Variants in PCDH7 observed in about 807,000 individuals in gnomAD.
The protein encoded by PCDH7 is protocadherin-7.
Under a neutral mutation model 58.9 loss-of-function variants are expected in PCDH7, and 17 were observed. The observed-to-expected ratio is 0.29, with a 90% CI of 0.20 to 0.43. PCDH7 has a LOEUF of 0.43. Among genes scored for constraint, PCDH7 ranks in the 20% least tolerant of loss-of-function variants. PCDH7 has a pLI of 1.00. For missense variants in PCDH7, 1,274 were observed against 1,441.0 expected (o/e 0.88, Z 1.88); for synonymous variants, 664 against 616.4 (o/e 1.08, Z -1.14).
chr4:31,005,532 G>A (rs967153701), intron 3 of PCDH7, among the ~76,000 whole-genome samples: 3 of 152,212 alleles, frequency 2.0e-5, no homozygotes, highest in African/African-American at 7.2e-5. Flanking sequence ...GGGAAGTAAT[G>A]ATTTGCCAAT....
intron 3 of PCDH7, among the ~76,000 whole-genome samples, chr4:31,122,519 C>T (rs930861138): frequency 1.3e-5 from 2 of 152,056 alleles, no homozygotes; most frequent in African/African-American, 2.4e-5. Context: ...TCTAACTTTT[C>T]CCCCTCTTTT....
At chr4:31,050,138 C>T (rs981305659) in intron 3 of PCDH7, among the ~76,000 whole-genome samples, 1 of 152,098 alleles carries the variant, frequency 6.6e-6, no homozygotes, top group Non-Finnish European at 1.5e-5. Context: ...TCAGTCTATA[C>T]TTTGGCTTCA....
chr4:30,747,643 A>C (rs1441842430), intron 1 of PCDH7, among the ~76,000 whole-genome samples: 1 of 152,246 alleles, frequency 6.6e-6, no homozygotes, highest in Non-Finnish European at 1.5e-5. Context: ...CACTGTGGTT[A>C]CATTGGGTCC....
chr4:30,909,390 T>C (rs575055916), intron 1 of PCDH7, among the ~76,000 whole-genome samples: 2 of 152,246 alleles, frequency 1.3e-5, no homozygotes, highest in South Asian at 4.1e-4. Context: ...GAAGTCAAAT[T>C]ATCTCTGTTT....
intron 1 of PCDH7, among the ~76,000 whole-genome samples, chr4:30,892,714 A>T (rs1247097621): frequency 6.6e-6 from 1 of 152,186 alleles, no homozygotes; most frequent in South Asian, 2.1e-4. Context: ...TGGCATAATA[A>T]TATGTTAATA....
chr4:30,982,582 C>A (rs565969792), intron 3 of PCDH7, among the ~76,000 whole-genome samples: 6 of 152,172 alleles, frequency 3.9e-5, no homozygotes, highest in Non-Finnish European at 7.3e-5. Context: ...TTTGAGAATC[C>A]TTTTTTATAT....
intron 1 of PCDH7, among the ~76,000 whole-genome samples, chr4:30,822,941 T>C (rs1331720238): frequency 3.9e-5 from 6 of 152,116 alleles, no homozygotes; most frequent in Non-Finnish European, 7.4e-5. Flanking sequence ...GCGTTTTATA[T>C]GTGAGTAAGA....
At chr4:31,142,548 C>G in exon 4 of PCDH7, 1 of 1,367,766 alleles carries the variant, frequency 7.3e-7, no homozygotes, top group Non-Finnish European at 9.8e-7. Flanking sequence ...CACTCAGACT[C>G]CTGCTGGATG....
intron 1 of PCDH7, among the ~76,000 whole-genome samples, chr4:30,805,076 G>C (rs1047051848): frequency 6.6e-6 from 1 of 152,070 alleles, no homozygotes; most frequent in Non-Finnish European, 1.5e-5. Context: ...CCCTTCCCTG[G>C]AGCACTTTGT....
intron 3 of PCDH7, among the ~76,000 whole-genome samples, chr4:31,110,911 T>A (rs1328457325): frequency 6.7e-6 from 1 of 148,170 alleles, no homozygotes; most frequent in Non-Finnish European, 1.5e-5. Context: ...CGAGACTATG[T>A]CTAAAAAAAA....
At chr4:30,964,278 G>A (rs1748780643) in intron 3 of PCDH7, among the ~76,000 whole-genome samples, 1 of 146,818 alleles carries the variant, frequency 6.8e-6, no homozygotes, top group African/African-American at 2.5e-5. Context: ...ATCTGGCTCT[G>A]TCTCCCAGGC....
chr4:31,127,966 TCA>T (rs892924778), intron 3 of PCDH7, among the ~76,000 whole-genome samples: 1 of 151,816 alleles, frequency 6.6e-6, no homozygotes, highest in Non-Finnish European at 1.5e-5. Flanking sequence ...AATTCATTTT[TCA>T]CAGTGATCAA....
chr4:30,865,181 CA>C (rs569304390), intron 1 of PCDH7, among the ~76,000 whole-genome samples: 56 of 151,946 alleles, frequency 3.7e-4, no homozygotes, highest in Non-Finnish European at 6.0e-4. Flanking sequence ...ATGAAAAAGC[CA>C]TATAAAAAAA....
chr4:30,863,508 A>T (rs1170404926), intron 1 of PCDH7, among the ~76,000 whole-genome samples: 3 of 152,036 alleles, frequency 2.0e-5, no homozygotes, highest in African/African-American at 7.2e-5. Context: ...AGAAATCCTG[A>T]TTTAATGTTT....
intron 1 of PCDH7, among the ~76,000 whole-genome samples, chr4:30,858,692 G>A (rs542615378): frequency 1.3e-5 from 2 of 152,158 alleles, no homozygotes; most frequent in Non-Finnish European, 2.9e-5. Flanking sequence ...GCAAAAGCCT[G>A]TGTATACATA....
chr4:31,132,761 A>C (rs1432330258), intron 3 of PCDH7, among the ~76,000 whole-genome samples: 1 of 152,212 alleles, frequency 6.6e-6, no homozygotes, highest in African/African-American at 2.4e-5. Flanking sequence ...TGTGATAACA[A>C]GAACTGATTT....
intron 1 of PCDH7, among the ~76,000 whole-genome samples, chr4:30,755,670 G>A (rs961617127): frequency 6.6e-6 from 1 of 152,112 alleles, no homozygotes; most frequent in Non-Finnish European, 1.5e-5. Context: ...AGGAATACCT[G>A]AGGCTGGGTA....
At chr4:30,897,439 G>A (rs1739596623) in intron 1 of PCDH7, among the ~76,000 whole-genome samples, 1 of 151,850 alleles carries the variant, frequency 6.6e-6, no homozygotes, top group East Asian at 1.9e-4. Flanking sequence ...TTTTTTTTAA[G>A]GTTTTCCTAA....
At chr4:30,909,418 A>C (rs1401427233) in intron 1 of PCDH7, among the ~76,000 whole-genome samples, 1 of 152,198 alleles carries the variant, frequency 6.6e-6, no homozygotes, top group Non-Finnish European at 1.5e-5. Context: ...ACATGATTGT[A>C]TATTTAGAAA....
Sources: gnomAD v4.1 joint callset for allele counts (sites outside exome capture counted in the v4.1 genomes callset) on GRCh38, gnomAD v4.1.1 for gene constraint, MANE v1.5 for transcripts, NCBI Gene and HGNC (gene_info 2026-07-23, HGNC 2026-07-21) for gene names.